The following CBX2 variants were observed in gnomAD, a reference collection of about 807,000 sequenced individuals.
CBX2 encodes the protein chromobox protein homolog 2.
CBX2 carries 11 observed loss-of-function variants against 21.0 expected under a neutral mutation model. That is an observed-to-expected ratio of 0.52 (90% confidence interval 0.33 to 0.87). The LOEUF (loss-of-function observed/expected upper bound fraction) is 0.87. Ranked by LOEUF, CBX2 falls within the 40% of genes least tolerant of loss-of-function variation. The pLI, the probability that CBX2 is intolerant of heterozygous loss-of-function variation, is 0.02. For synonymous variants in CBX2, 364 were observed against 304.6 expected (o/e 1.19, Z -2.03); for missense variants, 746 against 724.3 (o/e 1.03, Z -0.34).
chr17:79,778,683 C>G lies in CBX2; in HGVS notation c.116+256C>G, dbSNP rs1283376607. ...GAACCTCCTCGGCTGCCGCGCCGCG[C>G]TCCCCCCAACCCCCGTCCCGGCCGG... On this transcript the variant is annotated intron_variant, in intron 2 of 4. Coordinates refer to ENST00000310942, the MANE Select transcript of CBX2 (RefSeq NM_005189.3). This position sits in a 1 kb window ranked among gnomAD's most constrained non-coding sequence, Gnocchi z 4.8. 6.6e-6 allele frequency among the ~76,000 whole-genome samples: 1 copy of G among 152,120 alleles called. No homozygotes were observed. Among genetic ancestry groups the G allele is most frequent in the Non-Finnish European group, 1.5e-5 (1 of 67,984 alleles).
In CBX2 at chr17:79,785,476, C is replaced by T; in HGVS notation, c.*434C>T. 4.1e-6 allele frequency: 1 copy of T among 246,136 alleles called. No homozygotes were observed. The highest frequency in any genetic ancestry group is 2.2e-5 in the African/African-American group (1 of 45,500). 15.2% of individuals were successfully genotyped at this position (246,136 alleles called of 1,614,324 possible). On this transcript the variant is annotated 3_prime_UTR_variant, in exon 5 of 5. Transcript: ENST00000310942. Reference sequence around the variant, plus strand: ...GTGTCAGGAGGGGACTTCTGGCCCACCTTGCCTTCAGCCCTGGAGTGGGCA... The same window carrying T: ...GTGTCAGGAGGGGACTTCTGGCCCATCTTGCCTTCAGCCCTGGAGTGGGCA...
chr17:79,784,026 G>A lies in CBX2; in HGVS notation c.583G>A (p.Ala195Thr), dbSNP rs1438269277. The change falls in exon 5 of 5, where the codon GCC becomes ACC. Residue 195 changes from alanine (A) to threonine (T), a missense_variant. By Grantham distance (58) the Ala-to-Thr change is moderately conservative. Coordinates refer to ENST00000310942, the MANE Select transcript of CBX2 (RefSeq NM_005189.3). The surrounding 1 kb of genome is among the most constrained non-coding windows in gnomAD (Gnocchi z 5.9). ...GAAGACCGCCCGGAAGGATCTGGGG[G>A]CCCCGGCCAGCAAGCTGCCCCCTCC... ...VLKTARKDLG[A>T]PASKLPPPLS... 1.2e-6 allele frequency: 2 copies of A among 1,612,870 alleles called. No individual in the cohort carries two copies. The highest frequency in any genetic ancestry group is 2.2e-5 in the East Asian group (1 of 44,882).
At chr17:79,781,612 A>G (rs1356510640) in intron 3 of CBX2, 84 bp from the exon 4 acceptor site, 12 of 1,144,176 alleles carry the variant, frequency 1.0e-5, no homozygotes, top group South Asian at 3.7e-5. Flanking sequence ...CAACAGGAAT[A>G]GGGTGCTGGA....
intron 2 of CBX2, 89 bp from the exon 3 acceptor site, chr17:79,779,273 G>A (rs1906981811): frequency 7.9e-7 from 1 of 1,264,918 alleles, no homozygotes; most frequent in Non-Finnish European, 1.1e-6. Context: ...CCAAGTCGAG[G>A]AGCGGTGAGG....
chr17:79,781,442 C>T (rs1260528359), intron 3 of CBX2, among the ~76,000 whole-genome samples: 8 of 152,160 alleles, frequency 5.3e-5, no homozygotes, highest in South Asian at 2.1e-4. Flanking sequence ...AATACTGGGG[C>T]GTCATTGTTT....
intron 3 of CBX2, 40 bp from the exon 4 acceptor site, chr17:79,781,656 C>T: frequency 1.3e-6 from 2 of 1,541,440 alleles, no homozygotes; most frequent in African/African-American, 2.7e-5. Context: ...AAGGGGTACG[C>T]ACAGGGCTTC....
chr17:79,777,786 C>T (rs1408975749), upstream of CBX2, among the ~76,000 whole-genome samples: 1 of 151,652 alleles, frequency 6.6e-6, no homozygotes, highest in African/African-American at 2.4e-5. Context: ...CGGGCCAGAA[C>T]AATGGCTTTT....
rs1292963601 is a variant in CBX2 at position 79,785,294 on chromosome 17, C to T, written c.*252C>T. The T allele has an allele frequency of 8.7e-6, 5 of 571,920 alleles. No individual in the cohort carries two copies. Among genetic ancestry groups the T allele is most frequent in the African/African-American group, 1.9e-5 (1 of 53,316 alleles). The allele number at this position is 571,920 out of a possible 1,614,324, so 35.4% of individuals were successfully genotyped here. The stretch of plus-strand genomic sequence containing the variant: ...CCTCTGCAGGCCTCTTTGCTCTCCC[C>T]TCTTGCCTCAGGAAACCCGGTGGCA... On this transcript the variant is annotated 3_prime_UTR_variant, in exon 5 of 5. Transcript: ENST00000310942.
chr17:79,784,922 G>A lies in CBX2; in HGVS notation c.1479G>A (p.Trp493Ter). 1 of 1,613,374 alleles carries A rather than the reference G, an allele frequency of 6.2e-7. No homozygotes were observed. Among genetic ancestry groups the A allele is most frequent in the Non-Finnish European group, 8.5e-7 (1 of 1,180,036 alleles). The change falls in exon 5 of 5, where the codon TGG becomes TGA. Residue 493 changes from tryptophan to a stop codon, truncating the protein, a stop_gained. Coordinates refer to ENST00000310942, the MANE Select transcript of CBX2 (RefSeq NM_005189.3). LOFTEE classifies it high-confidence loss of function. This position sits in a 1 kb window ranked among gnomAD's most constrained non-coding sequence, Gnocchi z 5.9. ...TGTCCGTTCAGACCAGCCAGGACTG[G>A]AAGCCCACCCGCAGCCTCATCGAGC... Reference protein sequence around the residue: ...PSVSVQTSQDWKPTRSLIEHV... With the variant: ...PSVSVQTSQD
chr17:79,784,975 ACCT>A lies in CBX2; in HGVS notation c.1534_1536del (p.Leu512del). The A allele has an allele frequency of 1.9e-6, 3 of 1,608,454 alleles. No homozygotes were observed. Among genetic ancestry groups the A allele is most frequent in the Non-Finnish European group, 2.5e-6 (3 of 1,179,984 alleles). ...GTATTTGTCACCGACGTCACTGCCAACCTCATCACCGTCACAGTGAAGGAGTCT... is the reference window on the plus strand; with the variant it reads ...GTATTTGTCACCGACGTCACTGCCAACATCACCGTCACAGTGAAGGAGTCT... On this transcript the variant is annotated inframe_deletion, in exon 5 of 5. Coordinates refer to ENST00000310942, the MANE Select transcript of CBX2 (RefSeq NM_005189.3). The surrounding 1 kb of genome is among the most constrained non-coding windows in gnomAD (Gnocchi z 5.9).
Position 79,786,343 on chromosome 17 carries a change from T to G in CBX2, c.*1301T>G, listed in dbSNP as rs1209416373. Reference sequence around the variant, plus strand: ...CCATCACCTTTAGGGGTTCCCTGCTTGGCTCCTTTCCAGCTGAAAAACTAG... The same window carrying G: ...CCATCACCTTTAGGGGTTCCCTGCTGGGCTCCTTTCCAGCTGAAAAACTAG... On this transcript the variant is annotated 3_prime_UTR_variant, in exon 5 of 5. Coordinates refer to ENST00000310942, the MANE Select transcript of CBX2 (RefSeq NM_005189.3). 4.6e-5 allele frequency: 7 copies of G among 152,716 alleles called. No homozygotes were observed. The highest frequency in any genetic ancestry group is 3.9e-4 in the Admixed American group (6 of 15,286). 9.5% of individuals were successfully genotyped at this position (152,716 alleles called of 1,614,324 possible). A position where few individuals can be genotyped will look rare whatever the true frequency, so the allele number is the denominator to read the frequency against.
chr17:79,783,405 T>TA (rs1907380420), intron 4 of CBX2, among the ~76,000 whole-genome samples: 1 of 147,182 alleles, frequency 6.8e-6, no homozygotes, highest in Non-Finnish European at 1.5e-5. Flanking sequence ...CACCTTCTCC[T>TA]TTATCTTTTT....
intron 4 of CBX2, among the ~76,000 whole-genome samples, chr17:79,783,151 G>A (rs566832601): frequency 1.8e-4 from 28 of 152,296 alleles, no homozygotes; most frequent in East Asian, 1.5e-3. Flanking sequence ...GATGGTGGAC[G>A]GGGATGTCAT....
Position 79,785,432 on chromosome 17 carries a change from C to G in CBX2, c.*390C>G. 3.4e-6 allele frequency: 1 copy of G among 293,698 alleles called. No individual in the cohort carries two copies. Among genetic ancestry groups the G allele is most frequent in the East Asian group, 7.9e-5 (1 of 12,598 alleles). 18.2% of individuals were successfully genotyped at this position (293,698 alleles called of 1,614,324 possible). ...CGTGACTGAATCACAGCTTTGGTCCCTGTCTTGCAGGGGCTGAGGTGTCAG... is the reference window on the plus strand; with the variant it reads ...CGTGACTGAATCACAGCTTTGGTCCGTGTCTTGCAGGGGCTGAGGTGTCAG... On this transcript the variant is annotated 3_prime_UTR_variant, in exon 5 of 5. Coordinates refer to ENST00000310942, the MANE Select transcript of CBX2 (RefSeq NM_005189.3).
intron 3 of CBX2, among the ~76,000 whole-genome samples, chr17:79,780,509 A>G (rs550509003): frequency 6.6e-6 from 1 of 152,138 alleles, no homozygotes; most frequent in East Asian, 1.9e-4. Flanking sequence ...GGCTTGGCCC[A>G]CTTCAGAGGC....
chr17:79,778,356 G>C lies in CBX2; in HGVS notation c.73-28G>C. On this transcript the variant is annotated intron_variant, in intron 1 of 4. Coordinates refer to ENST00000310942, the MANE Select transcript of CBX2 (RefSeq NM_005189.3). This position sits in a 1 kb window ranked among gnomAD's most constrained non-coding sequence, Gnocchi z 4.8. ...CCGCCCGCCGCCCGCTGTCCGTCTG[G>C]CTCACGGCCCCTCTTCTCTCCCCGC... The C allele has an allele frequency of 6.3e-7, 1 of 1,581,788 alleles. No homozygotes were observed. Among genetic ancestry groups the C allele is most frequent in the Non-Finnish European group, 8.6e-7 (1 of 1,169,010 alleles).
chr17:79,786,966 T>C lies in CBX2; in HGVS notation c.*1924T>C, dbSNP rs1555832168. On this transcript the variant is annotated 3_prime_UTR_variant, in exon 5 of 5. Coordinates refer to ENST00000310942, the MANE Select transcript of CBX2 (RefSeq NM_005189.3). ...TGGGGGCCAGCCCACAGTGGCCATA[T>C]TGGCTGCAGCAGGAATGGTGCCCAC... 1 of 152,710 alleles carries C rather than the reference T, an allele frequency of 6.5e-6. No homozygotes were observed. Among genetic ancestry groups the C allele is most frequent in the Non-Finnish European group, 1.5e-5 (1 of 68,080 alleles). The allele number at this position is 152,710 out of a possible 1,614,324, so 9.5% of individuals were successfully genotyped here. A position where few individuals can be genotyped will look rare whatever the true frequency, so the allele number is the denominator to read the frequency against.
intron 4 of CBX2, 114 bp downstream of exon 4, chr17:79,781,915 G>A (rs1219262935): frequency 5.6e-6 from 9 of 1,614,098 alleles, no homozygotes; most frequent in South Asian, 1.1e-5. Flanking sequence ...TCTGCCAACA[G>A]TCTGTCCCTC....
In CBX2 at chr17:79,785,221, CAT is replaced by C. The variant is rs1332022149; in HGVS notation, c.*181_*182del. The C allele has an allele frequency of 6.1e-5, 39 of 635,544 alleles. No individual in the cohort carries two copies. Among genetic ancestry groups the C allele is most frequent in the Non-Finnish European group, 9.8e-5 (35 of 355,710 alleles). The allele number at this position is 635,544 out of a possible 1,614,324, so 39.4% of individuals were successfully genotyped here. A position where few individuals can be genotyped will look rare whatever the true frequency, so the allele number is the denominator to read the frequency against. On this transcript the variant is annotated 3_prime_UTR_variant, in exon 5 of 5. Coordinates refer to ENST00000310942, the MANE Select transcript of CBX2 (RefSeq NM_005189.3). ...TCCCGCACCCCACTCTGTCCCAGGA[CAT>C]AGGGCAGGGGGCCTCACTGCCTTGT...
Sources: allele counts gnomAD v4.1 joint callset (sites outside exome capture counted in the v4.1 genomes callset), GRCh38; gene constraint gnomAD v4.1.1; non-coding constraint Gnocchi (gnomAD v3.1); transcripts MANE v1.5; gene names NCBI Gene and HGNC (gene_info 2026-07-23, HGNC 2026-07-21).